SH3BGRL2: variants seen among roughly 807,000 people sequenced by gnomAD.
SH3BGRL2 encodes SH3 domain-binding glutamic acid-rich-like protein 2.
SH3BGRL2 carries 21 observed loss-of-function variants against 14.8 expected under a neutral mutation model. The observed-to-expected ratio is 1.42, with a 90% confidence interval of 1.01 to 2.05. The LOEUF is 2.05. SH3BGRL2 is among the 30% of genes most tolerant of loss of function. The pLI, the probability that SH3BGRL2 is intolerant of heterozygous loss-of-function variation, is 0.00. For missense variants in SH3BGRL2, 147 were observed against 130.8 expected (o/e 1.12, Z -0.61); for synonymous variants, 50 against 47.8 (o/e 1.05, Z -0.19).
chr6:79,603,473 A>G, the SH3BGRL2 span, among the ~76,000 whole-genome samples: 2 of 152,226 alleles, frequency 1.3e-5, no homozygotes, highest in Non-Finnish European at 2.9e-5. Context: ...CTCCACAAAG[A>G]CTTCTCACTT....
At chr6:79,586,632 G>A in the SH3BGRL2 span, among the ~76,000 whole-genome samples, 1 of 152,114 alleles carries the variant, frequency 6.6e-6, no homozygotes, top group Non-Finnish European at 1.5e-5. Context: ...ATGAGAAGAG[G>A]AAACCATATG....
intron 1 of SH3BGRL2, among the ~76,000 whole-genome samples, chr6:79,655,650 C>T (rs1241099013): frequency 6.6e-6 from 1 of 152,142 alleles, no homozygotes; most frequent in African/African-American, 2.4e-5. Context: ...TACATGGTCA[C>T]CTATTCTAGA....
chr6:79,622,500 C>G, the SH3BGRL2 span, among the ~76,000 whole-genome samples: 1 of 152,208 alleles, frequency 6.6e-6, no homozygotes, highest in Non-Finnish European at 1.5e-5. Flanking sequence ...GCCCAAGATT[C>G]TGTGTCTCTG....
the SH3BGRL2 span, among the ~76,000 whole-genome samples, chr6:79,601,638 T>C: frequency 1.3e-5 from 2 of 152,232 alleles, no homozygotes; most frequent in African/African-American, 4.8e-5. Flanking sequence ...GTATAATACA[T>C]ACTTATTCTC....
chr6:79,659,891 C>T (rs1166783835), intron 1 of SH3BGRL2, among the ~76,000 whole-genome samples: 4 of 146,940 alleles, frequency 2.7e-5, no homozygotes, highest in Non-Finnish European at 4.5e-5. Flanking sequence ...ATTTTATTCT[C>T]TTTGTAGGAA....
the SH3BGRL2 span, among the ~76,000 whole-genome samples, chr6:79,554,547 G>A: frequency 6.6e-6 from 1 of 152,160 alleles, no homozygotes. Context: ...TAATTCAAAT[G>A]TACTTTCCTC....
the SH3BGRL2 span, among the ~76,000 whole-genome samples, chr6:79,614,376 C>T: frequency 1.3e-5 from 2 of 152,028 alleles, no homozygotes; most frequent in South Asian, 4.2e-4. Context: ...CTGGGGGACA[C>T]GAGAAGGAGA....
the SH3BGRL2 span, among the ~76,000 whole-genome samples, chr6:79,559,045 G>A: frequency 6.6e-6 from 1 of 152,148 alleles, no homozygotes; most frequent in Non-Finnish European, 1.5e-5. Context: ...ATAGTAATGT[G>A]TATAAATTAT....
chr6:79,584,674 G>A, the SH3BGRL2 span, among the ~76,000 whole-genome samples: 1 of 152,206 alleles, frequency 6.6e-6, no homozygotes, highest in African/African-American at 2.4e-5. Context: ...ATGATAATTT[G>A]AGGGATCACA....
chr6:79,577,008 C>T, the SH3BGRL2 span, among the ~76,000 whole-genome samples: 2 of 152,090 alleles, frequency 1.3e-5, no homozygotes, highest in Admixed American at 1.3e-4. Context: ...ATTTAGTATC[C>T]ATTTTAGAGT....
the SH3BGRL2 span, among the ~76,000 whole-genome samples, chr6:79,602,333 G>A: frequency 2.1e-3 from 318 of 152,142 alleles, no homozygotes; most frequent in African/African-American, 7.0e-3. Flanking sequence ...AAATAACCAG[G>A]GTCCAGGAAG....
At chr6:79,671,727 CCCCG>C (rs1423887803) in intron 1 of SH3BGRL2, among the ~76,000 whole-genome samples, 1 of 152,190 alleles carries the variant, frequency 6.6e-6, no homozygotes, top group Non-Finnish European at 1.5e-5. Context: ...GTTACCTGGG[CCCCG>C]CCCAGTAGGC....
At chr6:79,551,828 G>GCTTGGTGGTTCAA in the SH3BGRL2 span, among the ~76,000 whole-genome samples, 7 of 152,176 alleles carry the variant, frequency 4.6e-5, no homozygotes, top group Non-Finnish European at 8.8e-5. Flanking sequence ...GGTGGTTCAT[G>GCTTGGTGGTTCAA]GCTTAAATCC....
chr6:79,538,151 TA>T, the SH3BGRL2 span, among the ~76,000 whole-genome samples: 1 of 147,464 alleles, frequency 6.8e-6, no homozygotes, highest in Non-Finnish European at 1.5e-5. Context: ...ACAGGGAAGG[TA>T]AAAAAAAATC....
At chr6:79,616,733 T>C in the SH3BGRL2 span, among the ~76,000 whole-genome samples, 1 of 152,190 alleles carries the variant, frequency 6.6e-6, no homozygotes, top group Non-Finnish European at 1.5e-5. Context: ...TCTTTACAGT[T>C]CCATTCAGGG....
At chr6:79,607,104 C>T in the SH3BGRL2 span, among the ~76,000 whole-genome samples, 3 of 152,178 alleles carry the variant, frequency 2.0e-5, no homozygotes, top group East Asian at 1.9e-4. Context: ...TGTTTCACAA[C>T]GTTCCGTTTC....
chr6:79,577,793 G>A, the SH3BGRL2 span, among the ~76,000 whole-genome samples: 665 of 152,312 alleles, frequency 4.4e-3, 9 homozygotes, highest in African/African-American at 0.015. Flanking sequence ...GTAGCCCACT[G>A]AGGGTGAGCC....
chr6:79,573,308 G>A, the SH3BGRL2 span, among the ~76,000 whole-genome samples: 1 of 152,088 alleles, frequency 6.6e-6, no homozygotes, highest in Non-Finnish European at 1.5e-5. Context: ...TTCCATACGG[G>A]CCTGGATCTG....
At chr6:79,667,203 A>T (rs1334749673) in intron 1 of SH3BGRL2, among the ~76,000 whole-genome samples, 4 of 152,250 alleles carry the variant, frequency 2.6e-5, no homozygotes, top group Non-Finnish European at 5.9e-5. Flanking sequence ...GAATTTATGT[A>T]CAGAAAAAGG....
Sources: allele counts gnomAD v4.1 joint callset (sites outside exome capture counted in the v4.1 genomes callset), GRCh38; gene constraint gnomAD v4.1.1; transcripts MANE v1.5; gene names NCBI Gene and HGNC (gene_info 2026-07-23, HGNC 2026-07-21).